Variants in ANO3 observed in about 807,000 individuals in gnomAD.
The protein encoded by ANO3 is anoctamin 3, also known as anoctamin-3.
A neutral mutation model predicts 144.8 loss-of-function variants in ANO3; 99 were observed. The observed-to-expected ratio is 0.68, with a 90% CI of 0.58 to 0.81. The LOEUF is 0.81. Among genes scored for constraint, ANO3 ranks in the 30% least tolerant of loss-of-function variants. The pLI is 0.00. For missense variants in ANO3, 905 were observed against 1,202.2 expected (o/e 0.75, Z 3.66); for synonymous variants, 414 against 392.6 (o/e 1.05, Z -0.64).
intron 14 of ANO3, among the ~76,000 whole-genome samples, chr11:26,564,202 G>A (rs1380989327): frequency 7.9e-5 from 12 of 151,640 alleles, no homozygotes. Context: ...CAAAAGAGAG[G>A]AAGCATTTTT....
chr11:26,534,822 T>G (rs1380163369), intron 9 of ANO3, among the ~76,000 whole-genome samples: 3 of 152,136 alleles, frequency 2.0e-5, no homozygotes, highest in Non-Finnish European at 4.4e-5. Context: ...TTGAAATTTA[T>G]CCCCCTCAAA....
chr11:26,542,488 C>G (rs1013907113), intron 11 of ANO3, among the ~76,000 whole-genome samples: 2 of 151,942 alleles, frequency 1.3e-5, no homozygotes, highest in Non-Finnish European at 1.5e-5. Flanking sequence ...TTTGAGTGGT[C>G]TAGTACCTCC....
At chr11:26,648,838 T>C (rs1853432749) in intron 24 of ANO3, among the ~76,000 whole-genome samples, 1 of 152,120 alleles carries the variant, frequency 6.6e-6, no homozygotes, top group Admixed American at 6.5e-5. Context: ...GTGCAGCTGA[T>C]CCGGATGCAG....
chr11:26,262,163 C>G (rs893285561), intron 1 of ANO3, among the ~76,000 whole-genome samples: 4 of 152,184 alleles, frequency 2.6e-5, no homozygotes, highest in Admixed American at 2.6e-4. Flanking sequence ...ACGTTTAGAA[C>G]ATTATCTAAA....
At chr11:26,530,929 A>G (rs1036686904) in intron 7 of ANO3, among the ~76,000 whole-genome samples, 1 of 152,118 alleles carries the variant, frequency 6.6e-6, no homozygotes, top group Non-Finnish European at 1.5e-5. Flanking sequence ...ATCTTTATGT[A>G]TCCTGTTTCT....
At chr11:26,271,833 G>A (rs993063428) in intron 1 of ANO3, among the ~76,000 whole-genome samples, 4 of 151,728 alleles carry the variant, frequency 2.6e-5, no homozygotes, top group Non-Finnish European at 2.9e-5. Flanking sequence ...ACTCTGACTT[G>A]GGTATTTCAT....
intron 1 of ANO3, among the ~76,000 whole-genome samples, chr11:26,256,714 C>T (rs987349765): frequency 3.9e-5 from 6 of 152,072 alleles, no homozygotes; most frequent in South Asian, 2.1e-4. Context: ...CCTGTGACAA[C>T]GTACACAATT....
intron 4 of ANO3, among the ~76,000 whole-genome samples, chr11:26,479,763 G>A (rs1052779205): frequency 6.6e-6 from 1 of 152,074 alleles, no homozygotes; most frequent in African/African-American, 2.4e-5. Flanking sequence ...ATGCACTCAC[G>A]AATACAGTTA....
chr11:26,375,620 T>C (rs1001118317), intron 1 of ANO3, among the ~76,000 whole-genome samples: 6 of 152,128 alleles, frequency 3.9e-5, no homozygotes, highest in South Asian at 2.1e-4. Context: ...CATGTGCTGA[T>C]AGAAAATTTA....
chr11:26,322,382 A>G (rs1024593942), intron 1 of ANO3, among the ~76,000 whole-genome samples: 1 of 152,096 alleles, frequency 6.6e-6, no homozygotes, highest in African/African-American at 2.4e-5. Context: ...ATTATCAACT[A>G]AAGCCTATAG....
At chr11:26,314,792 T>C (rs1043788310) in intron 1 of ANO3, among the ~76,000 whole-genome samples, 1 of 152,176 alleles carries the variant, frequency 6.6e-6, no homozygotes, top group Non-Finnish European at 1.5e-5. Context: ...AATGACTTAA[T>C]AGGTTTTTCT....
rs373121239 is a variant in ANO3, at chr11:26,662,320, C to T, written c.*1876C>T. ...TCCAGAGAGGTTCTCATGCTCCCCC[C>T]CCTCCTTATTTGTAGCAATCGTAGC... On this transcript the variant is annotated 3_prime_UTR_variant, in exon 27 of 27. Transcript: ENST00000256737. 4 of 151,984 alleles carry T rather than the reference C, an allele frequency of 2.6e-5. No individual in the cohort carries two copies. The highest frequency in any genetic ancestry group is 6.6e-5 in the Admixed American group (1 of 15,232). The allele number at this position is 151,984 out of a possible 1,614,324, so 9.4% of individuals were successfully genotyped here.
intron 4 of ANO3, among the ~76,000 whole-genome samples, chr11:26,470,840 T>G (rs976486808): frequency 6.6e-6 from 1 of 151,970 alleles, no homozygotes. Flanking sequence ...ATTACCTTTT[T>G]ACAATCTCAT....
intron 1 of ANO3, among the ~76,000 whole-genome samples, chr11:26,256,826 A>G (rs572509958): frequency 3.0e-4 from 46 of 152,228 alleles, no homozygotes; most frequent in African/African-American, 8.7e-4. Flanking sequence ...ATTTAAATAA[A>G]TGGTTCACAG....
rs560749067 is a variant in ANO3, at chr11:26,319,185, G to A, written c.-3+9466G>A. On this transcript the variant is annotated intron_variant, in intron 1 of 26. Transcript: ENST00000525139. ...ATTATCGTTATTATTATTTTGTAGA[G>A]ACAGGGTCTTTCTATGATGCCAGGG... Among the ~76,000 whole-genome samples the A allele has an allele frequency of 1.2e-4, 18 of 146,838 alleles. No homozygotes were observed. The South Asian group carries it at 3.7e-3, about 30-fold the overall frequency.
At chr11:26,402,218 C>G (rs578192694) in intron 1 of ANO3, among the ~76,000 whole-genome samples, 1 of 152,122 alleles carries the variant, frequency 6.6e-6, no homozygotes, top group East Asian at 1.9e-4. Context: ...ATTACCACAT[C>G]GTCTTCCACA....
chr11:26,370,512 G>A (rs1312131516), intron 1 of ANO3, among the ~76,000 whole-genome samples: 6 of 152,140 alleles, frequency 3.9e-5, no homozygotes, highest in Non-Finnish European at 8.8e-5. Context: ...AGGTGACTTT[G>A]GAACTGGGTA....
chr11:26,307,525 A>T (rs1401467209), upstream of ANO3, among the ~76,000 whole-genome samples: 1 of 151,930 alleles, frequency 6.6e-6, no homozygotes, highest in Non-Finnish European at 1.5e-5. Flanking sequence ...ATATGGTGAA[A>T]TGTCTCTACT....
intron 4 of ANO3, among the ~76,000 whole-genome samples, chr11:26,467,957 T>G (rs754714829): frequency 4.0e-5 from 6 of 151,870 alleles, no homozygotes; most frequent in Non-Finnish European, 7.4e-5. Flanking sequence ...GGGGATTCTT[T>G]TTAAGATGGT....
Sources: gnomAD v4.1 joint callset for allele counts (sites outside exome capture counted in the v4.1 genomes callset) on GRCh38, gnomAD v4.1.1 for gene constraint, MANE v1.5 for transcripts, NCBI Gene and HGNC (gene_info 2026-07-23, HGNC 2026-07-21) for gene names.